The following SDK2 variants were observed in gnomAD, a reference collection of about 807,000 sequenced individuals.
SDK2 encodes protein sidekick-2.
A neutral mutation model predicts 253.9 loss-of-function variants in SDK2; 105 were observed. The observed-to-expected ratio is 0.41, with a 90% CI of 0.35 to 0.49. The LOEUF (loss-of-function observed/expected upper bound fraction) is 0.49. Among genes scored for constraint, SDK2 ranks in the 20% least tolerant of loss-of-function variants. SDK2 has a pLI of 0.06. For missense variants in SDK2, 2,608 were observed against 3,003.0 expected (o/e 0.87, Z 3.07); for synonymous variants, 1,249 against 1,234.9 (o/e 1.01, Z -0.24).
Position 73,390,366 on chromosome 17 carries a change from G to A in SDK2, c.4113C>T (p.Tyr1371=). Residue 1371 remains tyrosine, a synonymous_variant, in exon 29 of 45, where the codon TAC becomes TAT. Coordinates refer to ENST00000392650, the MANE Select transcript of SDK2 (RefSeq NM_001144952.2). ...TATGLKPESV[Y]LFRITAQTRK... is the part of the protein sequence containing the mutation. ...GGGTCTGGGCCGTGATGCGGAACAG[G>A]TAGACAGACTCTGGCTTGAGGCCCG... is the stretch of plus-strand genomic sequence containing the variant. The A allele has an allele frequency of 6.2e-7, 1 of 1,612,432 alleles. No individual in the cohort carries two copies. Among genetic ancestry groups the A allele is most frequent in the Non-Finnish European group, 8.5e-7 (1 of 1,179,766 alleles).
chr17:73,562,901 T>C (rs2045258403), intron 1 of SDK2, among the ~76,000 whole-genome samples: 1 of 152,070 alleles, frequency 6.6e-6, no homozygotes, highest in Non-Finnish European at 1.5e-5. Flanking sequence ...GATGGGTAAA[T>C]TGAGGCACGC....
At chr17:73,436,689 G>A (rs987057300) in intron 8 of SDK2, among the ~76,000 whole-genome samples, 2 of 150,456 alleles carry the variant, frequency 1.3e-5, no homozygotes, top group Non-Finnish European at 3.0e-5. Flanking sequence ...TTCCCTTCCC[G>A]GCACCCTTTG....
intron 2 of SDK2, among the ~76,000 whole-genome samples, chr17:73,486,521 G>A (rs1334897610): frequency 5.3e-5 from 8 of 150,922 alleles, no homozygotes; most frequent in Non-Finnish European, 1.0e-4. Context: ...GAGGAAGGAG[G>A]ATTGCTTGAG....
chr17:73,595,090 A>G (rs2045736470), intron 1 of SDK2, among the ~76,000 whole-genome samples: 1 of 152,206 alleles, frequency 6.6e-6, no homozygotes, highest in Non-Finnish European at 1.5e-5. Context: ...CTGTACCCAC[A>G]GCTCCTAGCA....
chr17:73,359,416 A>C lies in SDK2; in HGVS notation c.5468-1212T>G, dbSNP rs554318714. 1.1e-4 allele frequency among the ~76,000 whole-genome samples: 16 copies of C among 152,284 alleles called. No homozygotes were observed. In the South Asian group the frequency reaches 3.3e-3, roughly 32 times the overall value. ...TATGGAGCAGCCTGTCTGCAGCACA[A>C]GGGCAGAGTAACTGCGGGGTCAGGT... is the stretch of plus-strand genomic sequence containing the variant. On this transcript the variant is annotated intron_variant, in intron 39 of 44. Transcript: ENST00000392650.
intron 1 of SDK2, among the ~76,000 whole-genome samples, chr17:73,641,579 A>C (rs979060868): frequency 1.3e-5 from 2 of 151,612 alleles, no homozygotes; most frequent in Admixed American, 1.3e-4. Flanking sequence ...CAGGTCCAGC[A>C]CCCACCCCCC....
chr17:73,380,864 G>T (rs373540764), intron 34 of SDK2, 30 bp downstream of exon 34: 9 of 1,553,440 alleles, frequency 5.8e-6, no homozygotes, highest in African/African-American at 5.5e-5. Flanking sequence ...GCCTGGGCCC[G>T]CGATGAAGCC....
At chr17:73,561,600 T>C (rs35032027) in intron 1 of SDK2, among the ~76,000 whole-genome samples, 4,890 of 152,318 alleles carry the variant, frequency 0.032, 93 homozygotes, top group Non-Finnish European at 0.048. Flanking sequence ...GCCATCTTCC[T>C]GTACGTGGCT....
chr17:73,592,788 A>T (rs1196424951), intron 1 of SDK2, among the ~76,000 whole-genome samples: 1 of 152,068 alleles, frequency 6.6e-6, no homozygotes, highest in Non-Finnish European at 1.5e-5. Flanking sequence ...GTCCAGGGAG[A>T]GCCTATTGTA....
rs1478469865 is a variant in SDK2 at position 73,639,709 on chromosome 17, G to A, written c.64+4316C>T. Reference sequence around the variant, plus strand: ...CTCCTGCCTCCCAGAGGGGCTGGGAGTCCGTAGGGACAGGGAGAGGGTTCC... The same window carrying A: ...CTCCTGCCTCCCAGAGGGGCTGGGAATCCGTAGGGACAGGGAGAGGGTTCC... On this transcript the variant is annotated intron_variant, in intron 1 of 44. Coordinates refer to ENST00000392650, the MANE Select transcript of SDK2 (RefSeq NM_001144952.2). The surrounding 1 kb of genome is among the most constrained non-coding windows in gnomAD (Gnocchi z 4.3). 3.3e-5 allele frequency among the ~76,000 whole-genome samples: 5 copies of A among 152,180 alleles called. No homozygotes were observed. Among genetic ancestry groups the A allele is most frequent in the Non-Finnish European group, 7.4e-5 (5 of 68,024 alleles).
chr17:73,451,319 C>A (rs2063488266), intron 4 of SDK2, among the ~76,000 whole-genome samples: 1 of 152,156 alleles, frequency 6.6e-6, no homozygotes, highest in South Asian at 2.1e-4. Flanking sequence ...CCAGCCTGAT[C>A]AACATGGTAA....
At chr17:73,578,288 C>T (rs1422069071) in intron 1 of SDK2, among the ~76,000 whole-genome samples, 1 of 152,154 alleles carries the variant, frequency 6.6e-6, no homozygotes, top group Non-Finnish European at 1.5e-5. Context: ...TGGTCTCAAA[C>T]TCCTGACTTC....
At chr17:73,601,637 C>A (rs941749678) in intron 1 of SDK2, among the ~76,000 whole-genome samples, 1 of 152,110 alleles carries the variant, frequency 6.6e-6, no homozygotes, top group African/African-American at 2.4e-5. Context: ...TCACCAGTAG[C>A]GCCCAGAGCT....
chr17:73,569,784 C>A (rs1188482323), intron 1 of SDK2, among the ~76,000 whole-genome samples: 1 of 152,012 alleles, frequency 6.6e-6, no homozygotes, highest in African/African-American at 2.4e-5. Flanking sequence ...GGTAGATGGG[C>A]GATGAGAACC....
At chr17:73,587,654 A>G (rs909071938) in intron 1 of SDK2, among the ~76,000 whole-genome samples, 1 of 151,684 alleles carries the variant, frequency 6.6e-6, no homozygotes, top group African/African-American at 2.4e-5. Context: ...GCCTCTCCTG[A>G]CTCTTCCAGC....
At chr17:73,371,979 C>G (rs1485424375) in intron 36 of SDK2, among the ~76,000 whole-genome samples, 1 of 149,014 alleles carries the variant, frequency 6.7e-6, no homozygotes, top group African/African-American at 2.5e-5. Flanking sequence ...AAAGTGAGGT[C>G]AGGAAAAGGC....
chr17:73,401,161 G>A lies in SDK2; in HGVS notation c.2830C>T (p.His944Tyr). Reference sequence around the variant, plus strand: ...TCCAGGGTCACGTTGGGCAGGTAGTGGGTCACACGGGTGTTGGTTCGATTG... The same window carrying A: ...TCCAGGGTCACGTTGGGCAGGTAGTAGGTCACACGGGTGTTGGTTCGATTG... ...EYNRTNTRVTHYLPNVTLEYR... is the reference protein window; with the variant it reads ...EYNRTNTRVTYYLPNVTLEYR... Residue 944 changes from histidine to tyrosine, a missense_variant, in exon 21 of 45, where the codon CAC becomes TAC. By Grantham distance (83) the His-to-Tyr change is moderately conservative. Coordinates refer to ENST00000392650, the MANE Select transcript of SDK2 (RefSeq NM_001144952.2). The A allele has an allele frequency of 3.2e-6, 5 of 1,558,284 alleles. No individual in the cohort carries two copies. The African/African-American group carries it at 5.4e-5, about 17-fold the overall frequency.
At chr17:73,439,446 C>T (rs1160456734) in intron 6 of SDK2, among the ~76,000 whole-genome samples, 2 of 152,150 alleles carry the variant, frequency 1.3e-5, no homozygotes, top group African/African-American at 4.8e-5. Flanking sequence ...AAAGGCTGGA[C>T]ACGGTGGCTC....
intron 44 of SDK2, among the ~76,000 whole-genome samples, chr17:73,342,647 G>T (rs1237136663): frequency 6.6e-6 from 1 of 152,198 alleles, no homozygotes. Flanking sequence ...GCTAGCCCCA[G>T]GCCCCAGCTT....
Sources: gnomAD v4.1 joint callset for allele counts (sites outside exome capture counted in the v4.1 genomes callset) on GRCh38, gnomAD v4.1.1 for gene constraint, Gnocchi (gnomAD v3.1) non-coding constraint, MANE v1.5 for transcripts, NCBI Gene and HGNC (gene_info 2026-07-23, HGNC 2026-07-21) for gene names.